The following LCN15 variants were observed in gnomAD, a reference collection of about 807,000 sequenced individuals.
LCN15 encodes the protein lipocalin-15.
LCN15 carries 26 observed loss-of-function variants against 23.1 expected under a neutral mutation model. The observed-to-expected ratio is 1.13, with a 90% CI of 0.82 to 1.56. LCN15 has a LOEUF of 1.56. Among genes scored for constraint, LCN15 ranks in the 40% most tolerant of loss-of-function variants. The probability of loss-of-function intolerance (pLI) is 0.00; values close to 1 mark genes in which losing one functional copy is unlikely to be tolerated. For synonymous variants in LCN15, 107 were observed against 98.3 expected (o/e 1.09, Z -0.52); for missense variants, 241 against 239.5 (o/e 1.01, Z -0.04).
Position 136,763,850 on chromosome 9 carries a change from G to A in LCN15, c.236+20C>T. Reference sequence around the variant, plus strand: ...TCAGCTCCCCAGCCCAGCCCAGGCAGCCCAGCCCAAGTAACTCACCCCGGG... The same window carrying A: ...TCAGCTCCCCAGCCCAGCCCAGGCAACCCAGCCCAAGTAACTCACCCCGGG... On this transcript the variant is annotated intron_variant, in intron 2 of 6. Transcript: ENST00000316144. The A allele has an allele frequency of 6.2e-7, 1 of 1,613,270 alleles. No homozygotes were observed.
At chr9:136,760,459 C>T (rs946265622) in intron 6 of LCN15, among the ~76,000 whole-genome samples, 3 of 152,174 alleles carry the variant, frequency 2.0e-5, no homozygotes, top group African/African-American at 4.8e-5. Flanking sequence ...AACAGCAGCA[C>T]GGCAGAAACG....
intron 4 of LCN15, among the ~76,000 whole-genome samples, chr9:136,763,150 C>T (rs990900810): frequency 6.6e-6 from 1 of 150,898 alleles, no homozygotes; most frequent in Non-Finnish European, 1.5e-5. Flanking sequence ...CAGGAGAGGG[C>T]ATGGGGCAGC....
intron 4 of LCN15, 53 bp from the exon 5 acceptor site, chr9:136,762,342 G>A: frequency 9.6e-6 from 10 of 1,040,756 alleles, no homozygotes; most frequent in East Asian, 2.6e-5. Flanking sequence ...AGTGCAGCAC[G>A]GGGTCTCCTG....
Position 136,763,361 on chromosome 9 carries a change from G to T in LCN15, c.414C>A (p.Leu138=). 6.4e-7 allele frequency: 1 copy of T among 1,564,676 alleles called. No individual in the cohort carries two copies. ...GGAGGTGGGACAGGCACTCACTGTAGAGCTGCACCATGGTGCTGAGGGCCC... is the reference window on the plus strand; with the variant it reads ...GGAGGTGGGACAGGCACTCACTGTATAGCTGCACCATGGTGCTGAGGGCCC... ...LEGALSTMVQ[L]YSRTQDVSPQ... The change falls in exon 4 of 7, where the codon CTC becomes CTA. Residue 138 remains leucine (L), a synonymous_variant. Coordinates refer to ENST00000316144, the MANE Select transcript of LCN15 (RefSeq NM_203347.2).
At position 136,763,873 on chromosome 9, in the gene LCN15, G is replaced by C. The variant is rs373629083; in HGVS notation, c.233C>G (p.Pro78Arg). 1 of 1,613,508 alleles carries C rather than the reference G, an allele frequency of 6.2e-7. No individual in the cohort carries two copies. The highest frequency in any genetic ancestry group is 8.5e-7 in the Non-Finnish European group (1 of 1,179,916). The change falls in exon 2 of 7, where the codon CCG (proline) becomes CGG (arginine). Residue 78 changes from proline to arginine, a missense_variant. By Grantham distance (103) the Pro-to-Arg change is moderately radical. Transcript: ENST00000316144. ...EGGLHVHMEFPGADGCNQVDA... is the reference protein window; with the variant it reads ...EGGLHVHMEFRGADGCNQVDA... ...CAGCCCAGCCCAAGTAACTCACCCC[G>C]GGAACTCCATGTGGACGTGGAGGCC...
chr9:136,762,293 G>T lies in LCN15; in HGVS notation c.419-4C>A. ...GGACTCACATCCTGGGTCCGGCCTG[G>T]GCAGAGCAGAGGTCACTGTGAACTC... On this transcript the variant is annotated splice_polypyrimidine_tract_variant and splice_region_variant and intron_variant, in intron 4 of 6. Transcript: ENST00000316144. The T allele has an allele frequency of 6.5e-7, 1 of 1,546,512 alleles. No homozygotes were observed. Among genetic ancestry groups the T allele is most frequent in the Non-Finnish European group, 8.8e-7 (1 of 1,131,206 alleles).
At chr9:136,763,837 C>G in intron 2 of LCN15, 33 bp downstream of exon 2, 2 of 1,613,184 alleles carry the variant, frequency 1.2e-6, no homozygotes, top group Non-Finnish European at 1.7e-6. Context: ...AGCTCCCCAG[C>G]CCAGCCCAGG....
At chr9:136,763,325 G>C in intron 4 of LCN15, 32 bp downstream of exon 4, 1 of 1,248,682 alleles carries the variant, frequency 8.0e-7, no homozygotes, top group Non-Finnish European at 1.1e-6. Flanking sequence ...GTTGGGGAGG[G>C]GCCAGTGCGG....
chr9:136,764,510 C>T lies in LCN15; in HGVS notation c.-22G>A. ...TCATCCCCTCCCCTGCCCTCCAGCC[C>T]CTGGTGCTGAGTCCCCAAGCCCCAG... On this transcript the variant is annotated 5_prime_UTR_variant, in exon 1 of 7. Coordinates refer to ENST00000316144, the MANE Select transcript of LCN15 (RefSeq NM_203347.2). The T allele has an allele frequency of 6.3e-7, 1 of 1,599,738 alleles. No homozygotes were observed. Among genetic ancestry groups the T allele is most frequent in the Non-Finnish European group, 8.5e-7 (1 of 1,171,740 alleles).
Position 136,763,851 on chromosome 9 carries a change from C to A in LCN15, c.236+19G>T. ...CAGCTCCCCAGCCCAGCCCAGGCAGCCCAGCCCAAGTAACTCACCCCGGGA... is the reference window on the plus strand; with the variant it reads ...CAGCTCCCCAGCCCAGCCCAGGCAGACCAGCCCAAGTAACTCACCCCGGGA... On this transcript the variant is annotated intron_variant, in intron 2 of 6. Transcript: ENST00000316144. 6.2e-7 allele frequency: 1 copy of A among 1,613,266 alleles called. No homozygotes were observed. Among genetic ancestry groups the A allele is most frequent in the Non-Finnish European group, 8.5e-7 (1 of 1,179,810 alleles).
Position 136,761,834 on chromosome 9 carries a change from G to C in LCN15, c.540C>G (p.Ser180Arg), listed in dbSNP as rs977265820. 2 of 1,309,562 alleles carry C rather than the reference G, an allele frequency of 1.5e-6. No homozygotes were observed. Among genetic ancestry groups the C allele is most frequent in the Non-Finnish European group, 1.9e-6 (2 of 1,027,102 alleles). 81.1% of individuals were successfully genotyped at this position (1,309,562 alleles called of 1,614,324 possible). The change falls in exon 6 of 7, where the codon AGC becomes AGG. Residue 180 changes from serine to arginine, a missense_variant. Physicochemically the swap from Ser to Arg is moderately radical, Grantham distance 110. Coordinates refer to ENST00000316144, the MANE Select transcript of LCN15 (RefSeq NM_203347.2). This position sits in a 1 kb window ranked among gnomAD's most constrained non-coding sequence, Gnocchi z 4.2. ...TCCGGAGGTGTCAGGGCGCCTCCTT[G>C]CTCTCAGGGTTGCATGCATCTGTGG... The part of the protein sequence containing the change: ...LPQSDACNPE[S>R]KEAP
intron 6 of LCN15, among the ~76,000 whole-genome samples, chr9:136,760,306 G>A (rs1359820922): frequency 2.0e-5 from 3 of 152,212 alleles, no homozygotes; most frequent in East Asian, 1.9e-4. Flanking sequence ...CCAACCCAGC[G>A]GGGGTGTGCA....
intron 4 of LCN15, among the ~76,000 whole-genome samples, chr9:136,763,041 C>G (rs1046096299): frequency 6.6e-6 from 1 of 151,492 alleles, no homozygotes; most frequent in Non-Finnish European, 1.5e-5. Context: ...CCGCGGGACC[C>G]TCCCCCAAGC....
At position 136,761,739 on chromosome 9, in the gene LCN15, G is replaced by A. The variant is rs1203939997; in HGVS notation, c.*32+48C>T. On this transcript the variant is annotated intron_variant, in intron 6 of 6. Coordinates refer to ENST00000316144, the MANE Select transcript of LCN15 (RefSeq NM_203347.2). This position sits in a 1 kb window ranked among gnomAD's most constrained non-coding sequence, Gnocchi z 4.2. ...GAACCAGATGTCAAGCTGCGATAGG[G>A]AGGGGAGAGGCAACCAGGGCATCCC... 7.6e-6 allele frequency: 7 copies of A among 920,384 alleles called. No individual in the cohort carries two copies. In the East Asian group the frequency reaches 1.3e-4, roughly 17 times the overall value. 57.0% of individuals were successfully genotyped at this position (920,384 alleles called of 1,614,324 possible).
chr9:136,761,265 G>T lies in LCN15; in HGVS notation c.*32+522C>A, dbSNP rs1441969991. 1.3e-5 allele frequency among the ~76,000 whole-genome samples: 2 copies of T among 152,144 alleles called. No homozygotes were observed. Among genetic ancestry groups the T allele is most frequent in the Non-Finnish European group, 2.9e-5 (2 of 68,022 alleles). On this transcript the variant is annotated intron_variant, in intron 6 of 6. Transcript: ENST00000316144. The surrounding 1 kb of genome is among the most constrained non-coding windows in gnomAD (Gnocchi z 4.2). ...GGAGAGATAAACGTCTGCTGGTTTT[G>T]TCTGTTTGTTTTGAGATGGAGTTTC...
intron 4 of LCN15, among the ~76,000 whole-genome samples, chr9:136,763,136 A>G (rs997176756): frequency 3.8e-4 from 58 of 151,134 alleles, no homozygotes; most frequent in African/African-American, 1.3e-3. Context: ...GCGAAGGGTC[A>G]CAGCAGGAGA....
Position 136,764,511 on chromosome 9 carries a change from C to A in LCN15, c.-23G>T, listed in dbSNP as rs1374402084. Reference sequence around the variant, plus strand: ...CATCCCCTCCCCTGCCCTCCAGCCCCTGGTGCTGAGTCCCCAAGCCCCAGG... The same window carrying A: ...CATCCCCTCCCCTGCCCTCCAGCCCATGGTGCTGAGTCCCCAAGCCCCAGG... On this transcript the variant is annotated 5_prime_UTR_variant, in exon 1 of 7. In the 5' UTR this introduces an upstream ATG that the reference lacks. Coordinates refer to ENST00000316144, the MANE Select transcript of LCN15 (RefSeq NM_203347.2). 1 of 1,598,946 alleles carries A rather than the reference C, an allele frequency of 6.3e-7. No individual in the cohort carries two copies. The highest frequency in any genetic ancestry group is 1.3e-5 in the African/African-American group (1 of 74,634).
chr9:136,760,878 GC>G (rs1195823789), intron 6 of LCN15, among the ~76,000 whole-genome samples: 12 of 152,226 alleles, frequency 7.9e-5, no homozygotes, highest in African/African-American at 2.7e-4. Flanking sequence ...TCCGAACGTG[GC>G]CTTATTTGGA....
chr9:136,762,363 AC>A, intron 4 of LCN15, 74 bp from the exon 5 acceptor site: 1 of 867,900 alleles, frequency 1.2e-6, no homozygotes, highest in Non-Finnish European at 1.9e-6. Flanking sequence ...GCCTCACTCC[AC>A]CAGCCTGAGG....
Sources: gnomAD v4.1 joint callset for allele counts (sites outside exome capture counted in the v4.1 genomes callset) on GRCh38, gnomAD v4.1.1 for gene constraint, Gnocchi (gnomAD v3.1) non-coding constraint, MANE v1.5 for transcripts, NCBI Gene and HGNC (gene_info 2026-07-23, HGNC 2026-07-21) for gene names.